RGSL1: variants seen among roughly 807,000 people sequenced by gnomAD.
The protein encoded by RGSL1 is regulator of G protein signaling protein-like.
RGSL1 carries 97 observed loss-of-function variants against 124.7 expected under a neutral mutation model. The ratio of observed to expected loss-of-function variants is 0.78; its 90% CI spans 0.66 to 0.92. The LOEUF is 0.92. RGSL1 is among the 40% of genes least tolerant of loss of function. The pLI, the probability that RGSL1 is intolerant of heterozygous loss-of-function variation, is 0.00. For missense variants in RGSL1, 1,233 were observed against 1,288.4 expected (o/e 0.96, Z 0.66); for synonymous variants, 424 against 438.1 (o/e 0.97, Z 0.40).
At chr1:182,552,610 T>G (rs1219772800) in intron 18 of RGSL1, among the ~76,000 whole-genome samples, 1 of 152,172 alleles carries the variant, frequency 6.6e-6, no homozygotes, top group East Asian at 1.9e-4. Flanking sequence ...CTCACATCCC[T>G]GATCTCATGT....
chr1:182,551,202 G>C lies in RGSL1; in HGVS notation c.3036G>C (p.Ser1012=). ...PPKSTDKYPF[S]SGGDNAILRF... ...AATCTACGGACAAGTATCCTTTCTC[G>C]AGTGGAGGTAAGCTCCACCACGACT... The change falls in exon 18 of 22, where the codon TCG becomes TCC. Residue 1012 remains serine (S), a synonymous_variant. Transcript: ENST00000294854. 1 of 1,549,784 alleles carries C rather than the reference G, an allele frequency of 6.5e-7. No homozygotes were observed. The highest frequency in any genetic ancestry group is 8.7e-7 in the Non-Finnish European group (1 of 1,145,584).
chr1:182,494,072 G>T (rs943979030), intron 9 of RGSL1, among the ~76,000 whole-genome samples: 3 of 152,078 alleles, frequency 2.0e-5, no homozygotes, highest in African/African-American at 7.2e-5. Flanking sequence ...TGGTCTTGGG[G>T]TCTTACTAGA....
At chr1:182,513,512 A>C (rs1657627559) in intron 9 of RGSL1, among the ~76,000 whole-genome samples, 2 of 152,234 alleles carry the variant, frequency 1.3e-5, no homozygotes, top group South Asian at 4.1e-4. Context: ...TAGTGAAAGA[A>C]ATTAAACCTT....
chr1:182,450,947 G>A (rs1558208585), intron 1 of RGSL1, among the ~76,000 whole-genome samples: 2 of 152,110 alleles, frequency 1.3e-5, no homozygotes, highest in South Asian at 2.1e-4. Flanking sequence ...AGGAGTTCAA[G>A]ACCAGCCTGG....
At chr1:182,470,275 A>G (rs1315730403) in intron 4 of RGSL1, among the ~76,000 whole-genome samples, 4 of 152,050 alleles carry the variant, frequency 2.6e-5, no homozygotes, top group East Asian at 1.9e-4. Context: ...AATACTACCA[A>G]TGACTCCTGT....
intron 9 of RGSL1, among the ~76,000 whole-genome samples, chr1:182,502,548 C>G (rs1656475016): frequency 6.6e-6 from 1 of 152,106 alleles, no homozygotes; most frequent in Non-Finnish European, 1.5e-5. Context: ...AGTACTCCAG[C>G]CTGGACAACA....
intron 3 of RGSL1, 81 bp downstream of exon 3, chr1:182,458,474 T>G: frequency 7.9e-7 from 1 of 1,258,700 alleles, no homozygotes; most frequent in Non-Finnish European, 1.1e-6. Flanking sequence ...TAATTTGTTT[T>G]TGTTTTTGTT....
intron 21 of RGSL1, among the ~76,000 whole-genome samples, chr1:182,558,722 T>C (rs1266150368): frequency 1.3e-5 from 2 of 152,228 alleles, no homozygotes; most frequent in Non-Finnish European, 2.9e-5. Flanking sequence ...CTGCCCGTTC[T>C]TTGAATTTCT....
intron 9 of RGSL1, among the ~76,000 whole-genome samples, chr1:182,512,116 A>C (rs1657508523): frequency 6.6e-6 from 1 of 152,084 alleles, no homozygotes; most frequent in Non-Finnish European, 1.5e-5. Flanking sequence ...ATCAGTTCTA[A>C]CACTGCTATT....
intron 6 of RGSL1, 104 bp downstream of exon 6, chr1:182,474,646 C>T: frequency 7.2e-7 from 1 of 1,393,688 alleles, no homozygotes; most frequent in Non-Finnish European, 9.4e-7. Flanking sequence ...TATATAATTA[C>T]CCACATAAAC....
intron 5 of RGSL1, 84 bp from the exon 6 acceptor site, chr1:182,473,490 GA>G: frequency 7.1e-7 from 1 of 1,400,418 alleles, no homozygotes; most frequent in Non-Finnish European, 9.4e-7. Context: ...AAAGACATTT[GA>G]AAAAAATTAA....
At chr1:182,479,653 C>T (rs1278024156) in intron 6 of RGSL1, among the ~76,000 whole-genome samples, 1 of 152,120 alleles carries the variant, frequency 6.6e-6, no homozygotes, top group Non-Finnish European at 1.5e-5. Flanking sequence ...ACGATAATTA[C>T]TTTAAATGTA....
chr1:182,540,201 T>C, intron 14 of RGSL1, 46 bp from the exon 15 acceptor site: 1 of 1,494,322 alleles, frequency 6.7e-7, no homozygotes, highest in Non-Finnish European at 8.9e-7. Flanking sequence ...AGGGTAAGAG[T>C]GACTTGATCA....
At chr1:182,461,137 T>C (rs970184737) in intron 4 of RGSL1, among the ~76,000 whole-genome samples, 1 of 129,248 alleles carries the variant, frequency 7.7e-6, no homozygotes, top group Admixed American at 8.5e-5. Context: ...CATTTTTCTC[T>C]TTTTTTTTTC....
intron 9 of RGSL1, among the ~76,000 whole-genome samples, chr1:182,511,496 T>G (rs1489458013): frequency 6.6e-6 from 1 of 152,152 alleles, no homozygotes; most frequent in Admixed American, 6.6e-5. Flanking sequence ...CTTAGCACCA[T>G]TTATTGAAGA....
At chr1:182,513,843 A>C (rs1454134089) in intron 9 of RGSL1, among the ~76,000 whole-genome samples, 1 of 151,480 alleles carries the variant, frequency 6.6e-6, no homozygotes, top group Non-Finnish European at 1.5e-5. Context: ...TACTTTACCA[A>C]GGCTCCTCTT....
intron 15 of RGSL1, 31 bp from the exon 16 acceptor site, chr1:182,548,286 C>T: frequency 6.4e-7 from 1 of 1,551,412 alleles, no homozygotes; most frequent in Non-Finnish European, 8.7e-7. Context: ...ATCTTCTCCT[C>T]CTGATTTCCT....
intron 9 of RGSL1, among the ~76,000 whole-genome samples, chr1:182,497,305 C>G (rs1020843710): frequency 6.9e-6 from 1 of 145,516 alleles, no homozygotes; most frequent in African/African-American, 2.5e-5. Context: ...GTCTGTGTAT[C>G]TTTTTCAGGA....
chr1:182,527,496 T>G, intron 10 of RGSL1, 83 bp from the exon 11 acceptor site: 1 of 1,196,586 alleles, frequency 8.4e-7, no homozygotes, highest in Admixed American at 2.5e-5. Flanking sequence ...GCCTGGTCAA[T>G]GCACTTCCCC....
Sources: gnomAD v4.1 joint callset for allele counts (sites outside exome capture counted in the v4.1 genomes callset) on GRCh38, gnomAD v4.1.1 for gene constraint, MANE v1.5 for transcripts, NCBI Gene and HGNC (gene_info 2026-07-23, HGNC 2026-07-21) for gene names.